Variants in DPYSL2 observed in about 807,000 individuals in gnomAD.
DPYSL2 encodes dihydropyrimidinase-related protein 2.
A neutral mutation model predicts 69.9 loss-of-function variants in DPYSL2; 13 were observed. That is an observed-to-expected ratio of 0.19 (90% CI 0.12 to 0.30). DPYSL2 has a LOEUF of 0.30. Ranked by LOEUF, DPYSL2 falls within the 10% of genes least tolerant of loss-of-function variation. DPYSL2 has a pLI of 1.00. For synonymous variants in DPYSL2, 326 were observed against 359.1 expected, an observed-to-expected ratio of 0.91 and a Z score of 1.04; for missense variants, 587 against 918.9, an observed-to-expected ratio of 0.64 and a Z score of 4.67.
intron 1 of DPYSL2, among the ~76,000 whole-genome samples, chr8:26,531,541 T>C (rs538184975): frequency 6.6e-6 from 1 of 152,214 alleles, no homozygotes; most frequent in South Asian, 2.1e-4. Context: ...CATCTAGAGC[T>C]GGGATGAATC....
rs913732762 is a variant in DPYSL2, at chr8:26,585,229, C to T, written c.628+1246C>T. Among the ~76,000 whole-genome samples the T allele has an allele frequency of 6.6e-6, 1 of 152,074 alleles. No homozygotes were observed. The highest frequency in any genetic ancestry group is 1.5e-5 in the Non-Finnish European group (1 of 68,004). The stretch of plus-strand genomic sequence containing the variant: ...CTTAGCTGTTTCTGCTATAGAAAAA[C>T]CTTTCTTACTGGTTATTTTTCCGAG... On this transcript the variant is annotated intron_variant, in intron 3 of 13. Coordinates refer to ENST00000521913, the MANE Select transcript of DPYSL2 (RefSeq NM_001197293.3). The surrounding 1 kb of genome is among the most constrained non-coding windows in gnomAD (Gnocchi z 4.0).
rs556720583 is a variant in DPYSL2 at position 26,619,423 on chromosome 8, C to T, written c.629-4720C>T. 3.3e-5 allele frequency: 5 copies of T among 152,308 alleles called. No individual in the cohort carries two copies. Among genetic ancestry groups the T allele is most frequent in the African/African-American group, 7.2e-5 (3 of 41,558 alleles). 9.4% of individuals were successfully genotyped at this position (152,308 alleles called of 1,614,324 possible). ...GAGTTTTTCAAGGGTTTATAACCCC[C>T]GGAGCTGAATTTGGATATGCAAGGA... On this transcript the variant is annotated intron_variant, in intron 3 of 13. Coordinates refer to ENST00000521913, the MANE Select transcript of DPYSL2 (RefSeq NM_001197293.3). This position sits in a 1 kb window ranked among gnomAD's most constrained non-coding sequence, Gnocchi z 4.8.
At position 26,621,135 on chromosome 8, in the gene DPYSL2, T is replaced by C. The variant is rs912683158; in HGVS notation, c.629-3008T>C. The stretch of plus-strand genomic sequence containing the variant: ...TTTAAAACTTTTTGGGGGAAGAAAG[T>C]GGACTATAGATAAAGAAATAGAATA... On this transcript the variant is annotated intron_variant, in intron 3 of 13. Coordinates refer to ENST00000521913, the MANE Select transcript of DPYSL2 (RefSeq NM_001197293.3). This position sits in a 1 kb window ranked among gnomAD's most constrained non-coding sequence, Gnocchi z 4.9. Among the ~76,000 whole-genome samples the C allele has an allele frequency of 1.3e-5, 2 of 152,134 alleles. No homozygotes were observed. The highest frequency in any genetic ancestry group is 4.8e-5 in the African/African-American group (2 of 41,418).
At position 26,580,541 on chromosome 8, in the gene DPYSL2, T is replaced by C. The variant is rs965839671; in HGVS notation, c.355-1428T>C. On this transcript the variant is annotated intron_variant, in intron 1 of 13. Coordinates refer to ENST00000521913, the MANE Select transcript of DPYSL2 (RefSeq NM_001197293.3). This position sits in a 1 kb window ranked among gnomAD's most constrained non-coding sequence, Gnocchi z 4.1. ...AGTGTACAAAATTAAAATGATCTTA[T>C]TGGTTTTCAGTATGTTAGAGAGACA... Among the ~76,000 whole-genome samples the C allele has an allele frequency of 6.6e-6, 1 of 152,236 alleles. No individual in the cohort carries two copies. Among genetic ancestry groups the C allele is most frequent in the East Asian group, 1.9e-4 (1 of 5,206 alleles).
In DPYSL2 at chr8:26,576,523, G is replaced by C. The variant is rs543054584; in HGVS notation, c.355-5446G>C. Among the ~76,000 whole-genome samples, 5 of 152,278 alleles carry C rather than the reference G, an allele frequency of 3.3e-5. No individual in the cohort carries two copies. In the South Asian group the frequency reaches 1.0e-3, roughly 32 times the overall value. Reference sequence around the variant, plus strand: ...GGGTTGGCCTCGGTAGATTCCTGAGGATCAACTGGATCAGCGTTTTTCTTT... The same window carrying C: ...GGGTTGGCCTCGGTAGATTCCTGAGCATCAACTGGATCAGCGTTTTTCTTT... On this transcript the variant is annotated intron_variant, in intron 1 of 13. Transcript: ENST00000521913.
Position 26,627,792 on chromosome 8 carries a change from A to G in DPYSL2, c.937-80A>G. 1 of 1,415,544 alleles carries G rather than the reference A, an allele frequency of 7.1e-7. No individual in the cohort carries two copies. Among genetic ancestry groups the G allele is most frequent in the Non-Finnish European group, 9.8e-7 (1 of 1,019,300 alleles). 87.7% of individuals were successfully genotyped at this position (1,415,544 alleles called of 1,614,324 possible). On this transcript the variant is annotated intron_variant, in intron 6 of 13. Coordinates refer to ENST00000521913, the MANE Select transcript of DPYSL2 (RefSeq NM_001197293.3). The surrounding 1 kb of genome is among the most constrained non-coding windows in gnomAD (Gnocchi z 6.9). The stretch of plus-strand genomic sequence containing the variant: ...GGTAATTTTCCATCTTGCCCGGATA[A>G]CTGCATGCCCGGGCCTCTGCCATCA...
In DPYSL2 at chr8:26,652,817, G is replaced by A. The variant is rs1427518248; in HGVS notation, c.1776+381G>A. Among the ~76,000 whole-genome samples, 1 of 152,156 alleles carries A rather than the reference G, an allele frequency of 6.6e-6. No homozygotes were observed. Among genetic ancestry groups the A allele is most frequent in the Admixed American group, 6.5e-5 (1 of 15,278 alleles). ...AGGGAATTTGATAAGAGTATCATGA[G>A]CATAGAAAATGTACAGTGTATTCAG... On this transcript the variant is annotated intron_variant, in intron 12 of 13. Transcript: ENST00000521913. This position sits in a 1 kb window ranked among gnomAD's most constrained non-coding sequence, Gnocchi z 6.3.
chr8:26,514,848 G>C lies in DPYSL2; in HGVS notation c.354+169G>C, dbSNP rs1808249401. On this transcript the variant is annotated intron_variant, in intron 1 of 13. Coordinates refer to ENST00000521913, the MANE Select transcript of DPYSL2 (RefSeq NM_001197293.3). This position sits in a 1 kb window ranked among gnomAD's most constrained non-coding sequence, Gnocchi z 8.4. ...CCTTCTCCGCGCAGGGTGCGGCGAG[G>C]CTCGGGCTGGGCGGTGGGCGGCCGT... Among the ~76,000 whole-genome samples, 2 of 152,146 alleles carry C rather than the reference G, an allele frequency of 1.3e-5. No individual in the cohort carries two copies. The highest frequency in any genetic ancestry group is 4.8e-5 in the African/African-American group (2 of 41,446).
intron 1 of DPYSL2, among the ~76,000 whole-genome samples, chr8:26,518,594 C>T (rs1275276774): frequency 6.6e-6 from 1 of 152,178 alleles, no homozygotes; most frequent in Non-Finnish European, 1.5e-5. Flanking sequence ...CCATTAAACA[C>T]CAACTTCTCA....
In DPYSL2 at chr8:26,584,002, A is replaced by G. The variant is rs372445426; in HGVS notation, c.628+19A>G. 3 of 1,609,582 alleles carry G rather than the reference A, an allele frequency of 1.9e-6. No individual in the cohort carries two copies. Among genetic ancestry groups the G allele is most frequent in the African/African-American group, 1.3e-5 (1 of 74,668 alleles). Reference sequence around the variant, plus strand: ...ATGATCAGTAAGAAGCTTAAAAATCATCATTGTAGTGCTTAGGAAGTGTGA... The same window carrying G: ...ATGATCAGTAAGAAGCTTAAAAATCGTCATTGTAGTGCTTAGGAAGTGTGA... On this transcript the variant is annotated intron_variant, in intron 3 of 13. Coordinates refer to ENST00000521913, the MANE Select transcript of DPYSL2 (RefSeq NM_001197293.3).
intron 3 of DPYSL2, among the ~76,000 whole-genome samples, chr8:26,622,476 ATGTGTGTG>A (rs372106979): frequency 7.8e-6 from 1 of 127,508 alleles, no homozygotes; most frequent in Admixed American, 8.2e-5. Context: ...GTGTGTGTAT[ATGTGTGTG>A]TGTGTGTGTG....
At chr8:26,651,099 C>T (rs773382389) in intron 11 of DPYSL2, among the ~76,000 whole-genome samples, 95 of 152,290 alleles carry the variant, frequency 6.2e-4, no homozygotes, top group Non-Finnish European at 1.3e-3. Flanking sequence ...AATCCAAGTG[C>T]AGAGTCCTCT....
chr8:26,596,421 G>A (rs970332827), intron 3 of DPYSL2, among the ~76,000 whole-genome samples: 3 of 152,234 alleles, frequency 2.0e-5, no homozygotes, highest in Non-Finnish European at 2.9e-5. Flanking sequence ...ACAAGGACAC[G>A]TGTTGAGTCC....
At chr8:26,577,240 C>A (rs1298654923) in intron 1 of DPYSL2, 1 of 410,438 alleles carries the variant, frequency 2.4e-6, no homozygotes, top group Non-Finnish European at 4.8e-6. Flanking sequence ...TTCCCCGCCC[C>A]CAGGAGCCGG....
At chr8:26,526,169 A>G (rs1808472170) in intron 1 of DPYSL2, among the ~76,000 whole-genome samples, 1 of 152,138 alleles carries the variant, frequency 6.6e-6, no homozygotes, top group South Asian at 2.1e-4. Context: ...ATCCTGGCTC[A>G]CTGCAACCGC....
At chr8:26,566,380 G>A (rs1042775114) in intron 1 of DPYSL2, among the ~76,000 whole-genome samples, 2 of 152,216 alleles carry the variant, frequency 1.3e-5, no homozygotes, top group Admixed American at 1.3e-4. Context: ...TTGGAAACCT[G>A]AGGGAATTAT....
Position 26,514,377 on chromosome 8 carries a change from G to A in DPYSL2, c.52G>A (p.Ala18Thr). The A allele has an allele frequency of 6.6e-7, 1 of 1,515,502 alleles. No homozygotes were observed. The highest frequency in any genetic ancestry group is 8.8e-7 in the Non-Finnish European group (1 of 1,138,638). The allele number at this position is 1,515,502 out of a possible 1,614,324, so 93.9% of individuals were successfully genotyped here. The part of the protein sequence containing the change: ...GKAAEDEEVP[A>T]FFKNLGSGSP... ...GGCGGCAGAGGACGAAGAGGTCCCT[G>A]CTTTTTTTAAAAACCTGGGCTCCGG... Residue 18 changes from alanine to threonine, a missense_variant, in exon 1 of 14, where the codon GCT (alanine) becomes ACT (threonine). Ala to Thr is a moderately conservative substitution (Grantham distance 58). Coordinates refer to ENST00000521913, the MANE Select transcript of DPYSL2 (RefSeq NM_001197293.3). This position sits in a 1 kb window ranked among gnomAD's most constrained non-coding sequence, Gnocchi z 8.4.
rs1270603593 is a variant in DPYSL2 at position 26,653,071 on chromosome 8, T to C, written c.1777-161T>C. 6.6e-6 allele frequency among the ~76,000 whole-genome samples: 1 copy of C among 152,138 alleles called. No individual in the cohort carries two copies. Among genetic ancestry groups the C allele is most frequent in the African/African-American group, 2.4e-5 (1 of 41,416 alleles). On this transcript the variant is annotated intron_variant, in intron 12 of 13. Coordinates refer to ENST00000521913, the MANE Select transcript of DPYSL2 (RefSeq NM_001197293.3). This position sits in a 1 kb window ranked among gnomAD's most constrained non-coding sequence, Gnocchi z 5.7. ...CTGGACCTTGTGGGGAGTTTTGGCC[T>C]GGCATGGTGGGAGCTGGCCCCACAC...
In DPYSL2 at chr8:26,654,010, CTG is replaced by C. The variant is rs1425546646; in HGVS notation, c.1942+616_1942+617del. The stretch of plus-strand genomic sequence containing the variant: ...ATTAGGTCCATCATAAGAAAGGACA[CTG>C]TGGTATTTCAGGACTTCTCTTCTCT... On this transcript the variant is annotated intron_variant, in intron 13 of 13. Coordinates refer to ENST00000521913, the MANE Select transcript of DPYSL2 (RefSeq NM_001197293.3). This position sits in a 1 kb window ranked among gnomAD's most constrained non-coding sequence, Gnocchi z 5.0. Among the ~76,000 whole-genome samples, 11 of 152,286 alleles carry C rather than the reference CTG, an allele frequency of 7.2e-5. No individual in the cohort carries two copies. Among genetic ancestry groups the C allele is most frequent in the African/African-American group, 2.4e-4 (10 of 41,552 alleles).
Sources: gnomAD v4.1 joint callset for allele counts (sites outside exome capture counted in the v4.1 genomes callset) on GRCh38, gnomAD v4.1.1 for gene constraint, Gnocchi (gnomAD v3.1) non-coding constraint, MANE v1.5 for transcripts, NCBI Gene and HGNC (gene_info 2026-07-23, HGNC 2026-07-21) for gene names.